XRN2: variants seen among roughly 807,000 people sequenced by gnomAD.
XRN2 encodes DHM1-like protein.
XRN2 carries 44 observed loss-of-function variants against 138.5 expected under a neutral mutation model. That is an observed-to-expected ratio of 0.32 (90% CI 0.25 to 0.41). The LOEUF is 0.41. XRN2 is among the 10% of genes least tolerant of loss of function. The pLI, the probability that XRN2 is intolerant of heterozygous loss-of-function variation, is 1.00. For missense variants in XRN2, 937 were observed against 1,169.3 expected, an observed-to-expected ratio of 0.80 and a Z score of 2.90; for synonymous variants, 354 against 369.4, an observed-to-expected ratio of 0.96 and a Z score of 0.48.
chr20:21,328,944 C>G (rs1397783856), intron 4 of XRN2, among the ~76,000 whole-genome samples: 3 of 152,106 alleles, frequency 2.0e-5, no homozygotes, highest in Non-Finnish European at 4.4e-5. Flanking sequence ...GCCAGTGCAG[C>G]TCTTTAACAA....
At chr20:21,353,264 A>ATC (rs1469203755) in intron 20 of XRN2, among the ~76,000 whole-genome samples, 15 of 13,098 alleles carry the variant, frequency 1.1e-3, no homozygotes, top group East Asian at 5.4e-3. Flanking sequence ...ATATATATAT[A>ATC]TCTCTTAAAT....
intron 15 of XRN2, among the ~76,000 whole-genome samples, chr20:21,343,881 T>C (rs2038403068): frequency 2.0e-5 from 3 of 152,094 alleles, no homozygotes; most frequent in South Asian, 4.1e-4. Context: ...AGTTTAAGCA[T>C]AGAAAGTTTG....
At position 21,334,779 on chromosome 20, in the gene XRN2, A is replaced by G. The variant is rs186111585; in HGVS notation, c.1233+594A>G. On this transcript the variant is annotated intron_variant, in intron 13 of 29. Transcript: ENST00000377191. ...GCTGGTGCCATTTACTAAGATAGCA[A>G]GCACTAGGGGTGGAATGGGTTGGGG... Among the ~76,000 whole-genome samples, 3 of 152,326 alleles carry G rather than the reference A, an allele frequency of 2.0e-5. No homozygotes were observed. The East Asian group carries it at 5.8e-4, about 29-fold the overall frequency.
chr20:21,346,301 T>G, intron 16 of XRN2, 114 bp from the exon 17 acceptor site: 4 of 1,348,278 alleles, frequency 3.0e-6, no homozygotes, highest in Non-Finnish European at 3.1e-6. Flanking sequence ...ACTGTTTAAC[T>G]CTTTCACATT....
chr20:21,348,343 T>C lies in XRN2; in HGVS notation c.1776T>C (p.Phe592=). ...PSDFEKGTKP[F]KPLEQLMGVF... is the part of the protein sequence containing the mutation. ...TTTAATGTTTTTTCTTTTTTCAGTT[T>C]AAACCACTAGAACAACTTATGGGGG... The change falls in exon 19 of 30, where the codon TTT becomes TTC. Residue 592 remains phenylalanine (F), a splice_region_variant and synonymous_variant. Transcript: ENST00000377191. 1 of 1,613,830 alleles carries C rather than the reference T, an allele frequency of 6.2e-7. No individual in the cohort carries two copies. Among genetic ancestry groups the C allele is most frequent in the Non-Finnish European group, 8.5e-7 (1 of 1,179,904 alleles).
chr20:21,310,837 C>T (rs1201474505), intron 1 of XRN2, among the ~76,000 whole-genome samples: 2 of 152,088 alleles, frequency 1.3e-5, no homozygotes, highest in Admixed American at 6.5e-5. Context: ...CTCCGCCACC[C>T]GGTTTCATGC....
chr20:21,311,240 A>G (rs1275785346), intron 1 of XRN2, among the ~76,000 whole-genome samples: 1 of 152,210 alleles, frequency 6.6e-6, no homozygotes, highest in African/African-American at 2.4e-5. Context: ...CAGAAACGCT[A>G]CCTGTTAAAC....
chr20:21,356,024 GGT>G (rs2038571660), intron 21 of XRN2, 54 bp from the exon 22 acceptor site: 2 of 1,261,702 alleles, frequency 1.6e-6, no homozygotes, highest in Non-Finnish European at 2.2e-6. Flanking sequence ...CATAAAAATT[GGT>G]CTTGCAGGTA....
chr20:21,389,168 C>G, intron 29 of XRN2, 105 bp from the exon 30 acceptor site: 1 of 1,007,102 alleles, frequency 9.9e-7, no homozygotes, highest in African/African-American at 1.6e-5. Context: ...ACCTTTAACA[C>G]ATACTCAGTT....
chr20:21,320,885 C>T (rs1197495399), intron 1 of XRN2, among the ~76,000 whole-genome samples: 1 of 152,148 alleles, frequency 6.6e-6, no homozygotes, highest in Non-Finnish European at 1.5e-5. Flanking sequence ...GTGCTAACAC[C>T]AGGAGGGCTC....
At position 21,354,843 on chromosome 20, in the gene XRN2, A is replaced by C; in HGVS notation, c.1991A>C (p.Glu664Ala). The change falls in exon 21 of 30, where the codon GAG becomes GCG. Residue 664 changes from glutamate to alanine, a missense_variant. Physicochemically the swap from Glu to Ala is moderately radical, Grantham distance 107. Coordinates refer to ENST00000377191, the MANE Select transcript of XRN2 (RefSeq NM_012255.5). ...CGAAGGCTACGAGCTGCCCTAGAAG[A>C]GGTATACCCAGACCTCACTCCAGAA... ...DERRLRAALE[E>A]VYPDLTPEET... is the part of the protein sequence containing the mutation. The C allele has an allele frequency of 6.2e-7, 1 of 1,613,980 alleles. No homozygotes were observed. Among genetic ancestry groups the C allele is most frequent in the East Asian group, 2.2e-5 (1 of 44,862 alleles).
intron 24 of XRN2, among the ~76,000 whole-genome samples, chr20:21,360,208 G>T (rs1168546333): frequency 6.6e-6 from 1 of 151,948 alleles, no homozygotes; most frequent in Non-Finnish European, 1.5e-5. Context: ...CTTTTTCAAG[G>T]CCTGATGCAC....
chr20:21,343,244 T>C (rs2038394531), intron 15 of XRN2, among the ~76,000 whole-genome samples: 1 of 152,154 alleles, frequency 6.6e-6, no homozygotes, highest in African/African-American at 2.4e-5. Context: ...GTCCTTTAGC[T>C]TGAGTAACTA....
At chr20:21,309,475 G>T (rs2037849307) in intron 1 of XRN2, among the ~76,000 whole-genome samples, 1 of 152,144 alleles carries the variant, frequency 6.6e-6, no homozygotes, top group Non-Finnish European at 1.5e-5. Flanking sequence ...TGCAACCCAG[G>T]ATGCTTTGAA....
intron 23 of XRN2, 90 bp downstream of exon 23, chr20:21,356,755 A>G (rs6113208): frequency 3.1e-5 from 34 of 1,080,638 alleles, no homozygotes; most frequent in Middle Eastern, 2.2e-4. Context: ...ATTTTCTAAT[A>G]ATAGTGAGAA....
chr20:21,385,766 G>T (rs1460255441), intron 28 of XRN2, among the ~76,000 whole-genome samples: 1 of 152,162 alleles, frequency 6.6e-6, no homozygotes, highest in Non-Finnish European at 1.5e-5. Context: ...TACCCAATGA[G>T]CCCAGCGCCG....
chr20:21,380,120 G>GGTATGT (rs1182778372), intron 27 of XRN2, among the ~76,000 whole-genome samples: 1 of 152,078 alleles, frequency 6.6e-6, no homozygotes, highest in East Asian at 1.9e-4. Context: ...GGTAAAAAGG[G>GGTATGT]GTATGTTTCC....
intron 1 of XRN2, among the ~76,000 whole-genome samples, chr20:21,310,784 G>A (rs202826): frequency 0.14 from 20,847 of 150,184 alleles, 1,785 homozygotes; most frequent in Non-Finnish European, 0.19. Context: ...TTGCTGTGTC[G>A]CCCAGGCTGG....
intron 24 of XRN2, among the ~76,000 whole-genome samples, chr20:21,359,132 A>G (rs2038608230): frequency 6.6e-6 from 1 of 152,220 alleles, no homozygotes; most frequent in Non-Finnish European, 1.5e-5. Context: ...GAGTTAATGG[A>G]AACATTTTGG....
Sources: allele counts gnomAD v4.1 joint callset (sites outside exome capture counted in the v4.1 genomes callset), GRCh38; gene constraint gnomAD v4.1.1; transcripts MANE v1.5; gene names NCBI Gene and HGNC (gene_info 2026-07-23, HGNC 2026-07-21).